Variants in TSGA10 observed in about 807,000 individuals in gnomAD.
TSGA10 encodes testis specific 10, also known as testis-specific gene 10 protein.
TSGA10 carries 43 observed loss-of-function variants against 96.6 expected under a neutral mutation model. The observed-to-expected ratio is 0.44, with a 90% CI of 0.35 to 0.57. The LOEUF (loss-of-function observed/expected upper bound fraction) is 0.57, where lower values mean the gene tolerates loss of function less well. Ranked by LOEUF, TSGA10 falls within the 20% of genes least tolerant of loss-of-function variation. The probability of loss-of-function intolerance (pLI) is 0.01; values close to 1 mark genes in which losing one functional copy is unlikely to be tolerated. For missense variants in TSGA10, 703 were observed against 834.4 expected, an observed-to-expected ratio of 0.84 and a Z score of 1.94; for synonymous variants, 229 against 269.9, an observed-to-expected ratio of 0.85 and a Z score of 1.48.
At chr2:99,081,744 A>C (rs2087537343) in intron 10 of TSGA10, among the ~76,000 whole-genome samples, 1 of 152,272 alleles carries the variant, frequency 6.6e-6, no homozygotes, top group African/African-American at 2.4e-5. Flanking sequence ...TAATTCAGAA[A>C]CAAGATGAGG....
At chr2:99,013,964 A>C (rs72957109) in intron 20 of TSGA10, among the ~76,000 whole-genome samples, 63,074 of 151,630 alleles carry the variant, frequency 0.42, 15,054 homozygotes, top group African/African-American at 0.66. Flanking sequence ...ACCAGCCTGG[A>C]CAACATGGTG....
chr2:99,078,096 C>T (rs1274729625), intron 12 of TSGA10, among the ~76,000 whole-genome samples: 2 of 150,604 alleles, frequency 1.3e-5, no homozygotes, highest in East Asian at 2.0e-4. Context: ...ATGGTGAAAC[C>T]CTGCCTCTAC....
intron 20 of TSGA10, 149 bp from the exon 21 acceptor site, chr2:98,998,370 T>C (rs2077614760): frequency 4.6e-6 from 3 of 654,680 alleles, no homozygotes; most frequent in Admixed American, 6.4e-5. Flanking sequence ...ATATATTTTT[T>C]CACTCAGTTT....
intron 10 of TSGA10, chr2:99,102,397 T>C (rs1482960501): frequency 8.1e-6 from 13 of 1,613,772 alleles, no homozygotes; most frequent in Non-Finnish European, 1.1e-5. Flanking sequence ...GGAATTAGGG[T>C]GTCATTTACA....
In TSGA10 at chr2:99,018,120, G is replaced by A. The variant is rs1337205455; in HGVS notation, c.2072+80C>T. ...ATCACTATTAAAGATAGACTATTGAGTTTCCTTATTACCCCAAATGTTCAC... is the reference window on the plus strand; with the variant it reads ...ATCACTATTAAAGATAGACTATTGAATTTCCTTATTACCCCAAATGTTCAC... On this transcript the variant is annotated intron_variant, in intron 20 of 20. Transcript: ENST00000393483. 2.1e-6 allele frequency: 3 copies of A among 1,449,410 alleles called. No individual in the cohort carries two copies. In the African/African-American group the frequency reaches 4.2e-5, roughly 20 times the overall value. 89.8% of individuals were successfully genotyped at this position (1,449,410 alleles called of 1,614,324 possible). A position where few individuals can be genotyped will look rare whatever the true frequency, so the allele number is the denominator to read the frequency against.
At chr2:99,136,431 A>G (rs1001915443) in intron 1 of TSGA10, among the ~76,000 whole-genome samples, 7 of 152,214 alleles carry the variant, frequency 4.6e-5, no homozygotes, top group African/African-American at 1.2e-4. Flanking sequence ...CAGAAATTAC[A>G]CCACAGCATG....
At chr2:99,007,638 T>G (rs897186222) in intron 20 of TSGA10, among the ~76,000 whole-genome samples, 3 of 152,034 alleles carry the variant, frequency 2.0e-5, no homozygotes, top group African/African-American at 7.2e-5. Context: ...AAAAAGCAAT[T>G]AAAACATACT....
chr2:99,140,931 C>T (rs2093514105), intron 1 of TSGA10: 9 of 390,236 alleles, frequency 2.3e-5, no homozygotes, highest in Non-Finnish European at 3.8e-5. Flanking sequence ...GTGCCCGCCG[C>T]TGCCCCTCAC....
intron 20 of TSGA10, among the ~76,000 whole-genome samples, chr2:99,001,865 C>T (rs1558679832): frequency 6.6e-6 from 1 of 151,990 alleles, no homozygotes; most frequent in Admixed American, 6.6e-5. Context: ...CCAATTCAAT[C>T]AAGTGGAAGA....
chr2:99,082,560 G>C (rs2087662836), intron 10 of TSGA10, among the ~76,000 whole-genome samples: 1 of 151,802 alleles, frequency 6.6e-6, no homozygotes. Context: ...CTCAATCTAA[G>C]CATCAAAATA....
intron 16 of TSGA10, among the ~76,000 whole-genome samples, chr2:99,042,274 C>T (rs189497948): frequency 0.014 from 2,156 of 152,160 alleles, 24 homozygotes; most frequent in Middle Eastern, 0.031. Context: ...TGTGCTGGGG[C>T]GCAGGTCTTA....
At chr2:99,085,577 C>T (rs1375688985) in intron 10 of TSGA10, among the ~76,000 whole-genome samples, 3 of 132,234 alleles carry the variant, frequency 2.3e-5, no homozygotes, top group African/African-American at 3.1e-5. Flanking sequence ...CCGCTATACT[C>T]CAGCCTGGGC....
intron 7 of TSGA10, among the ~76,000 whole-genome samples, chr2:99,107,467 A>G (rs1178850800): frequency 6.6e-6 from 1 of 152,178 alleles, no homozygotes; most frequent in African/African-American, 2.4e-5. Flanking sequence ...TAAAAAAAAA[A>G]GATTGTTTGT....
At chr2:99,069,029 T>C (rs2104494155) in intron 14 of TSGA10, 31 bp from the exon 15 acceptor site, 3 of 1,236,078 alleles carry the variant, frequency 2.4e-6, no homozygotes, top group South Asian at 2.0e-5. Flanking sequence ...TATTTGACTA[T>C]GAAAAATAAA....
chr2:99,021,431 C>T (rs990103630), intron 17 of TSGA10, among the ~76,000 whole-genome samples: 8 of 152,054 alleles, frequency 5.3e-5, no homozygotes, highest in African/African-American at 1.9e-4. Flanking sequence ...CGCATATAAA[C>T]TGATGAGAAA....
rs780357629 is a variant in TSGA10 at position 99,072,975 on chromosome 2, C to T, written c.938+43G>A. ...TCTTTGTACCTAACATGGTACTTGG[C>T]CCCCCAGTAAGAGCTCATATATTTG... On this transcript the variant is annotated intron_variant, in intron 13 of 20. Transcript: ENST00000393483. 3.1e-5 allele frequency: 44 copies of T among 1,407,074 alleles called. No homozygotes were observed. In the Admixed American group the frequency reaches 3.2e-4, roughly 10 times the overall value. The allele number at this position is 1,407,074 out of a possible 1,614,324, so 87.2% of individuals were successfully genotyped here. A position where few individuals can be genotyped will look rare whatever the true frequency, so the allele number is the denominator to read the frequency against.
At chr2:99,112,346 G>A (rs974107640) in intron 4 of TSGA10, among the ~76,000 whole-genome samples, 1 of 152,160 alleles carries the variant, frequency 6.6e-6, no homozygotes, top group Non-Finnish European at 1.5e-5. Context: ...GAGCGCTCAC[G>A]TTCTAAGCAC....
At chr2:99,008,557 G>A (rs764131971) in intron 20 of TSGA10, among the ~76,000 whole-genome samples, 1 of 152,216 alleles carries the variant, frequency 6.6e-6, no homozygotes, top group Non-Finnish European at 1.5e-5. Context: ...TAGTGACGCT[G>A]TGGGGAAACA....
intron 12 of TSGA10, among the ~76,000 whole-genome samples, chr2:99,074,178 A>G (rs1045706582): frequency 6.6e-6 from 1 of 151,680 alleles, no homozygotes; most frequent in African/African-American, 2.4e-5. Context: ...ATGCCCAGCT[A>G]ATTTTTTGTA....
Sources: allele counts gnomAD v4.1 joint callset (sites outside exome capture counted in the v4.1 genomes callset), GRCh38; gene constraint gnomAD v4.1.1; transcripts MANE v1.5; gene names NCBI Gene and HGNC (gene_info 2026-07-23, HGNC 2026-07-21).